Variants in PDE10A observed in about 807,000 individuals in gnomAD.
PDE10A encodes phosphodiesterase 10A, also known as cAMP and cAMP-inhibited cGMP 3',5'-cyclic phosphodiesterase 10A.
Under a neutral mutation model 97.7 loss-of-function variants are expected in PDE10A, and 39 were observed. That is an observed-to-expected ratio of 0.40 (90% CI 0.31 to 0.52). The LOEUF (loss-of-function observed/expected upper bound fraction) is 0.52, where lower values mean the gene tolerates loss of function less well. PDE10A is among the 20% of genes least tolerant of loss of function. PDE10A has a pLI of 0.56. For synonymous variants in PDE10A, 371 were observed against 376.8 expected (o/e 0.98, Z 0.18); for missense variants, 731 against 1,047.8 (o/e 0.70, Z 4.17).
At chr6:165,740,810 T>C (rs903982680) in intron 1 of PDE10A, among the ~76,000 whole-genome samples, 5 of 152,114 alleles carry the variant, frequency 3.3e-5, no homozygotes, top group Admixed American at 6.5e-5. Context: ...GCAGAGATTG[T>C]AGAATCTTAA....
At chr6:165,560,995 G>A (rs146020215) in intron 1 of PDE10A, among the ~76,000 whole-genome samples, 14,502 of 151,986 alleles carry the variant, frequency 0.095, 854 homozygotes, top group African/African-American at 0.15. Flanking sequence ...TGAGGCGGGC[G>A]GATCACGAGG....
At chr6:165,650,396 C>T (rs899878120) in intron 1 of PDE10A, among the ~76,000 whole-genome samples, 14 of 152,176 alleles carry the variant, frequency 9.2e-5, no homozygotes, top group African/African-American at 3.4e-4. Context: ...TACCGCCCAG[C>T]AAGTGTTACA....
In PDE10A at chr6:165,409,164, C is replaced by CAA. The variant is rs61455081; in HGVS notation, c.2076+4335_2076+4336dup. ...TGGGCGACAGGGTGAGACTCCATCT[C>CAA]AAAAAAAAAAAAAAAAAAGAAAAAA... is the stretch of plus-strand genomic sequence containing the variant. On this transcript the variant is annotated intron_variant, in intron 13 of 21. Coordinates refer to ENST00000539869, the MANE Select transcript of PDE10A (RefSeq NM_001385079.1). Among the ~76,000 whole-genome samples, 899 of 108,092 alleles carry CAA rather than the reference C, an allele frequency of 8.3e-3. 27 individuals carry two copies. In the South Asian group the frequency reaches 0.084, roughly 10 times the overall value. The allele number at this position is 108,092 out of a possible 152,430, so 70.9% of individuals were successfully genotyped here.
intron 1 of PDE10A, among the ~76,000 whole-genome samples, chr6:165,611,534 G>C (rs942364359): frequency 6.6e-6 from 1 of 152,230 alleles, no homozygotes. Context: ...GCCCAGAAGG[G>C]GCGGGGAAAG....
chr6:165,980,070 A>C (rs1239991778), intron 1 of PDE10A, among the ~76,000 whole-genome samples: 1 of 152,222 alleles, frequency 6.6e-6, no homozygotes, highest in Non-Finnish European at 1.5e-5. Flanking sequence ...CAGGAGAAGA[A>C]AAAAAGTTGT....
chr6:165,352,062 C>G (rs1053826945), intron 18 of PDE10A, among the ~76,000 whole-genome samples: 1 of 152,132 alleles, frequency 6.6e-6, no homozygotes, highest in Admixed American at 6.6e-5. Flanking sequence ...CCATGTTAGC[C>G]AGGCTGGTCT....
intron 1 of PDE10A, among the ~76,000 whole-genome samples, chr6:165,943,988 T>G (rs993359659): frequency 6.6e-6 from 1 of 152,176 alleles, no homozygotes; most frequent in Non-Finnish European, 1.5e-5. Context: ...CAAGACTGGG[T>G]AATTTATAAA....
intron 1 of PDE10A, among the ~76,000 whole-genome samples, chr6:165,736,940 A>T (rs1388209506): frequency 6.6e-6 from 1 of 152,226 alleles, no homozygotes; most frequent in Non-Finnish European, 1.5e-5. Context: ...CACTCAAATA[A>T]GCAAAATCAT....
At position 165,691,583 on chromosome 6, in the gene PDE10A, A is replaced by ATG. The variant is rs1280795106; in HGVS notation, c.-614-148016_-614-148015insCA. ...TACACGTGCCCATGCGCACGCATGC[A>ATG]CGCGCGCGCACACACACACACACAC... On this transcript the variant is annotated intron_variant, in intron 1 of 19. Coordinates refer to the PDE10A transcript ENST00000366882. Among the ~76,000 whole-genome samples, 3 of 144,678 alleles carry ATG rather than the reference A, an allele frequency of 2.1e-5. No individual in the cohort carries two copies. In the Admixed American group the frequency reaches 2.1e-4, roughly 10 times the overall value. 94.9% of individuals were successfully genotyped at this position (144,678 alleles called of 152,430 possible).
intron 13 of PDE10A, among the ~76,000 whole-genome samples, chr6:165,407,359 A>G (rs1414158383): frequency 2.6e-5 from 4 of 152,082 alleles, no homozygotes; most frequent in African/African-American, 7.2e-5. Context: ...CCTTGGGGAA[A>G]TTATTTAAAT....
intron 1 of PDE10A, among the ~76,000 whole-genome samples, chr6:165,595,198 C>A (rs1438471960): frequency 6.6e-6 from 1 of 152,164 alleles, no homozygotes; most frequent in African/African-American, 2.4e-5. Context: ...GCTCACCTGC[C>A]GTAGCCTCAG....
intron 1 of PDE10A, among the ~76,000 whole-genome samples, chr6:165,802,580 A>C (rs1489329312): frequency 6.6e-6 from 1 of 152,240 alleles, no homozygotes; most frequent in Non-Finnish European, 1.5e-5. Context: ...AAGCTTATGC[A>C]ACCACGGGGG....
intron 1 of PDE10A, among the ~76,000 whole-genome samples, chr6:165,596,472 T>C (rs910746336): frequency 6.6e-6 from 1 of 152,220 alleles, no homozygotes; most frequent in African/African-American, 2.4e-5. Flanking sequence ...TTTATACCTG[T>C]AATCCCAGCA....
upstream of PDE10A, among the ~76,000 whole-genome samples, chr6:165,667,033 A>T (rs1325534754): frequency 6.6e-6 from 1 of 152,296 alleles, no homozygotes; most frequent in African/African-American, 2.4e-5. Context: ...ATAGCTTCTT[A>T]CAGTGTTGTT....
chr6:165,923,919 G>T (rs1782838397), intron 1 of PDE10A, among the ~76,000 whole-genome samples: 1 of 152,250 alleles, frequency 6.6e-6, no homozygotes, highest in African/African-American at 2.4e-5. Context: ...ACCAGCTTTT[G>T]CCTGTAATCC....
At chr6:165,443,638 C>T (rs1027470548) in intron 5 of PDE10A, among the ~76,000 whole-genome samples, 5 of 152,234 alleles carry the variant, frequency 3.3e-5, no homozygotes, top group African/African-American at 1.2e-4. Flanking sequence ...CTCCTCTGCA[C>T]TGCACTAGCA....
At chr6:165,987,605 GAAAGAA>G in exon 1 of PDE10A, 1 of 418,330 alleles carries the variant, frequency 2.4e-6, no homozygotes, top group South Asian at 1.7e-5. Context: ...GACAGTGAGA[GAAAGAA>G]AAAGAAAAAA....
At chr6:165,459,590 T>C (rs963737473) in intron 3 of PDE10A, among the ~76,000 whole-genome samples, 2 of 151,008 alleles carry the variant, frequency 1.3e-5, no homozygotes, top group Non-Finnish European at 3.0e-5. Context: ...TATATATATA[T>C]ATATAATATA....
intron 20 of PDE10A, 136 bp downstream of exon 20, chr6:165,339,142 T>G: frequency 1.4e-6 from 1 of 710,114 alleles, no homozygotes; most frequent in South Asian, 1.5e-5. Context: ...GTTTCTATAT[T>G]AATCACCAGA....
Sources: gnomAD v4.1 joint callset for allele counts (sites outside exome capture counted in the v4.1 genomes callset) on GRCh38, gnomAD v4.1.1 for gene constraint, MANE v1.5 for transcripts, NCBI Gene and HGNC (gene_info 2026-07-23, HGNC 2026-07-21) for gene names.